Variants in TSHZ2 observed in about 807,000 individuals in gnomAD.
TSHZ2 encodes the protein teashirt zinc finger homeobox 2.
In TSHZ2, 21 loss-of-function variants were observed where a neutral mutation model predicts 74.4. That is an observed-to-expected ratio of 0.28 (90% CI 0.20 to 0.41). The LOEUF (loss-of-function observed/expected upper bound fraction) is 0.41, where lower values mean the gene tolerates loss of function less well. Ranked by LOEUF, TSHZ2 falls within the 10% of genes least tolerant of loss-of-function variation. TSHZ2 has a pLI of 1.00. For missense variants in TSHZ2, 1,244 were observed against 1,293.5 expected, an observed-to-expected ratio of 0.96 and a Z score of 0.59; for synonymous variants, 540 against 515.3, an observed-to-expected ratio of 1.05 and a Z score of -0.65.
chr20:53,081,448 C>T (rs2123230465), intron 1 of TSHZ2, among the ~76,000 whole-genome samples: 1 of 152,314 alleles, frequency 6.6e-6, no homozygotes, highest in East Asian at 1.9e-4. Flanking sequence ...CAGAAAACTG[C>T]ACCCAGCTGA....
intron 1 of TSHZ2, among the ~76,000 whole-genome samples, chr20:53,003,433 C>G (rs1244565128): frequency 6.6e-6 from 1 of 152,128 alleles, no homozygotes; most frequent in Admixed American, 6.6e-5. Flanking sequence ...CCTCTGTGAA[C>G]TTTTGAGAAG....
chr20:53,254,475 T>A lies in TSHZ2; in HGVS notation c.1017T>A (p.Ser339=). Residue 339 remains serine, a synonymous_variant, in exon 2 of 3, where the codon TCT becomes TCA. Coordinates refer to ENST00000371497, the MANE Select transcript of TSHZ2 (RefSeq NM_173485.6). ...RPCSPDSTTG[S]FADSFSSQKN... The stretch of plus-strand genomic sequence containing the variant: ...GTTCCCCCGATTCAACCACAGGATC[T>A]TTTGCAGATTCTTTTTCTTCTCAGA... 1 of 1,614,086 alleles carries A rather than the reference T, an allele frequency of 6.2e-7. No homozygotes were observed. Among genetic ancestry groups the A allele is most frequent in the Non-Finnish European group, 8.5e-7 (1 of 1,179,932 alleles).
intron 2 of TSHZ2, among the ~76,000 whole-genome samples, chr20:53,401,622 C>A (rs1296790940): frequency 6.6e-6 from 1 of 151,180 alleles, no homozygotes; most frequent in Non-Finnish European, 1.5e-5. Flanking sequence ...TTAGCTCCCA[C>A]TTATAAGTGA....
chr20:53,239,487 C>T (rs902509790), intron 1 of TSHZ2, among the ~76,000 whole-genome samples: 4 of 152,274 alleles, frequency 2.6e-5, no homozygotes, highest in African/African-American at 9.6e-5. Flanking sequence ...GATAAACACT[C>T]ATAGCCCCCT....
At chr20:53,148,662 T>C (rs979207611) in intron 1 of TSHZ2, among the ~76,000 whole-genome samples, 1 of 152,102 alleles carries the variant, frequency 6.6e-6, no homozygotes, top group African/African-American at 2.4e-5. Flanking sequence ...TGGGGGTTGA[T>C]ACAAAATAGA....
At chr20:53,269,378 C>A (rs1394527672) in intron 2 of TSHZ2, among the ~76,000 whole-genome samples, 2 of 152,078 alleles carry the variant, frequency 1.3e-5, no homozygotes, top group Admixed American at 6.6e-5. Context: ...AAAAGATATG[C>A]CCCTGAGAAA....
chr20:53,467,181 C>A (rs1452960843), intron 2 of TSHZ2, among the ~76,000 whole-genome samples: 2 of 152,186 alleles, frequency 1.3e-5, no homozygotes, highest in Non-Finnish European at 2.9e-5. Flanking sequence ...ATATCCACAT[C>A]AAATGTTTTG....
rs532933494 is a variant in TSHZ2, at chr20:53,247,422, T to C, written c.41-6077T>C. On this transcript the variant is annotated intron_variant, in intron 1 of 2. Transcript: ENST00000371497. ...GCAGAGGGATCCCTCCACATGGCCCTCCAAGAGGCCCTCACTCCAGGCCTG... is the reference window on the plus strand; with the variant it reads ...GCAGAGGGATCCCTCCACATGGCCCCCCAAGAGGCCCTCACTCCAGGCCTG... Among the ~76,000 whole-genome samples the C allele has an allele frequency of 3.7e-4, 57 of 152,222 alleles. No homozygotes were observed. In the Middle Eastern group the frequency reaches 0.014, roughly 36 times the overall value.
chr20:53,035,095 C>T (rs114208736), intron 1 of TSHZ2, among the ~76,000 whole-genome samples: 160 of 152,280 alleles, frequency 1.1e-3, no homozygotes, highest in African/African-American at 3.7e-3. Context: ...GGCAGCACCA[C>T]AGGATGTAGT....
At position 53,495,254 on chromosome 20, in the gene TSHZ2, T is replaced by C. The variant is rs1455954097; in HGVS notation, c.*8119T>C. ...AGACTGAATAGAAGTGCTCTTTTTA[T>C]GCTTTCTGGAGATGTTACTGTTAAA... On this transcript the variant is annotated 3_prime_UTR_variant, in exon 3 of 3. Transcript: ENST00000371497. 1.3e-5 allele frequency: 2 copies of C among 152,250 alleles called. No homozygotes were observed. The highest frequency in any genetic ancestry group is 2.4e-5 in the African/African-American group (1 of 41,470). The allele number at this position is 152,250 out of a possible 1,614,324, so 9.4% of individuals were successfully genotyped here.
intron 1 of TSHZ2, among the ~76,000 whole-genome samples, chr20:52,997,705 T>A (rs924978433): frequency 1.3e-5 from 2 of 151,536 alleles, no homozygotes; most frequent in Non-Finnish European, 1.5e-5. Context: ...AGAACTGGGG[T>A]GACATACTTG....
intron 1 of TSHZ2, among the ~76,000 whole-genome samples, chr20:53,114,407 T>C (rs1001833235): frequency 1.3e-5 from 2 of 151,940 alleles, no homozygotes; most frequent in Non-Finnish European, 2.9e-5. Flanking sequence ...CCCTCATCTA[T>C]AAAGGAAAAA....
intron 1 of TSHZ2, among the ~76,000 whole-genome samples, chr20:53,231,052 G>A: frequency 6.6e-6 from 1 of 152,154 alleles, no homozygotes; most frequent in African/African-American, 2.4e-5. Context: ...TTGCTTTCTT[G>A]AGGGAAGGAG....
chr20:53,261,225 G>T (rs998791198), intron 2 of TSHZ2, among the ~76,000 whole-genome samples: 2 of 152,214 alleles, frequency 1.3e-5, no homozygotes, highest in African/African-American at 4.8e-5. Flanking sequence ...AGAGCTGAGA[G>T]GAGAAAGGAC....
At chr20:53,039,808 A>G (rs1222173176) in intron 1 of TSHZ2, among the ~76,000 whole-genome samples, 4 of 147,318 alleles carry the variant, frequency 2.7e-5, no homozygotes, top group African/African-American at 1.0e-4. Flanking sequence ...ACACACACAC[A>G]CACACACCAG....
At chr20:53,239,136 G>A (rs576451117) in intron 1 of TSHZ2, among the ~76,000 whole-genome samples, 31 of 152,270 alleles carry the variant, frequency 2.0e-4, no homozygotes, top group Non-Finnish European at 4.0e-4. Flanking sequence ...AGCATCCTGG[G>A]TCTCTACCCA....
intron 1 of TSHZ2, among the ~76,000 whole-genome samples, chr20:53,193,052 C>G (rs987134386): frequency 1.3e-5 from 2 of 152,048 alleles, no homozygotes; most frequent in Non-Finnish European, 2.9e-5. Flanking sequence ...CTCTACTTGT[C>G]CATAGGATGG....
At chr20:53,433,584 G>GACACACACACAC (rs59162370) in intron 2 of TSHZ2, among the ~76,000 whole-genome samples, 6,778 of 136,970 alleles carry the variant, frequency 0.049, 235 homozygotes, top group East Asian at 0.15. Context: ...CAGACACACA[G>GACACACACACAC]ACACACACAC....
At chr20:53,444,461 T>G (rs1301939091) in intron 2 of TSHZ2, among the ~76,000 whole-genome samples, 1 of 152,012 alleles carries the variant, frequency 6.6e-6, no homozygotes, top group African/African-American at 2.4e-5. Flanking sequence ...AGTCCTCCAG[T>G]GCCGGTACTG....
Sources: gnomAD v4.1 joint callset for allele counts (sites outside exome capture counted in the v4.1 genomes callset) on GRCh38, gnomAD v4.1.1 for gene constraint, MANE v1.5 for transcripts, NCBI Gene and HGNC (gene_info 2026-07-23, HGNC 2026-07-21) for gene names.